The following PTCHD4 variants were observed in gnomAD, a reference collection of about 807,000 sequenced individuals.
PTCHD4 encodes patched domain-containing protein 4.
In PTCHD4, 33 loss-of-function variants were observed where a neutral mutation model predicts 58.1. The ratio of observed to expected loss-of-function variants is 0.57; its 90% CI spans 0.43 to 0.76. The LOEUF (loss-of-function observed/expected upper bound fraction) is 0.76. Among genes scored for constraint, PTCHD4 ranks in the 30% least tolerant of loss-of-function variants. PTCHD4 has a pLI of 0.00. For missense variants in PTCHD4, 1,058 were observed against 1,027.1 expected, an observed-to-expected ratio of 1.03 and a Z score of -0.41; for synonymous variants, 478 against 409.6, an observed-to-expected ratio of 1.17 and a Z score of -2.02.
intron 3 of PTCHD4, among the ~76,000 whole-genome samples, chr6:48,023,421 C>T (rs1028215819): frequency 6.6e-6 from 1 of 152,122 alleles, no homozygotes; most frequent in African/African-American, 2.4e-5. Context: ...ATAATGAAAG[C>T]AGTCATCACT....
At chr6:47,901,459 T>C in intron 4 of PTCHD4, 18 of 981,782 alleles carry the variant, frequency 1.8e-5, no homozygotes, top group Non-Finnish European at 2.2e-5. Context: ...TCCTTCATTT[T>C]ATTTATAAAT....
intron 1 of PTCHD4, among the ~76,000 whole-genome samples, chr6:48,108,469 G>T (rs1313071312): frequency 1.3e-5 from 2 of 152,016 alleles, no homozygotes; most frequent in Non-Finnish European, 2.9e-5. Flanking sequence ...GGGGGAGCGG[G>T]GAGGGATAGC....
At chr6:47,993,240 T>G (rs1472174619) in intron 4 of PTCHD4, among the ~76,000 whole-genome samples, 1 of 152,224 alleles carries the variant, frequency 6.6e-6, no homozygotes, top group Non-Finnish European at 1.5e-5. Context: ...CTATTCTTGC[T>G]TTGTAGAGAG....
At chr6:48,095,822 T>C (rs1458444955) in intron 1 of PTCHD4, among the ~76,000 whole-genome samples, 1 of 151,750 alleles carries the variant, frequency 6.6e-6, no homozygotes, top group Non-Finnish European at 1.5e-5. Flanking sequence ...AGGCAGTGCA[T>C]CAGTTGTCAG....
rs142762460 is a variant in PTCHD4, at chr6:47,926,114, C to A, written c.899-46178G>T. Among the ~76,000 whole-genome samples, 400 of 152,292 alleles carry A rather than the reference C, an allele frequency of 2.6e-3. 3 individuals carry two copies. Among genetic ancestry groups the A allele is most frequent in the South Asian group, 0.015 (70 of 4,824 alleles). On this transcript the variant is annotated intron_variant, in intron 4 of 4. Transcript: ENST00000339488. The stretch of plus-strand genomic sequence containing the variant: ...CACGTGAAGAACATCCTCACCTCAA[C>A]ATTGTAAATGCAATTGTCACAATCT...
chr6:47,868,423 T>A lies in PTCHD4; in HGVS notation c.*9880A>T, dbSNP rs1390028807. 6.6e-6 allele frequency among the ~76,000 whole-genome samples: 1 copy of A among 151,732 alleles called. No homozygotes were observed. Reference sequence around the variant, plus strand: ...GAAACAAAACAACAACAAAAGCTTCTGAATATGGGCTCTCAAAGATTGAAA... The same window carrying A: ...GAAACAAAACAACAACAAAAGCTTCAGAATATGGGCTCTCAAAGATTGAAA... On this transcript the variant is annotated 3_prime_UTR_variant, in exon 5 of 5. Transcript: ENST00000339488.
chr6:48,007,936 G>GCACGCA (rs1554167576), intron 4 of PTCHD4, among the ~76,000 whole-genome samples: 1 of 150,244 alleles, frequency 6.7e-6, no homozygotes, highest in African/African-American at 2.4e-5. Flanking sequence ...GTGCGCGCGC[G>GCACGCA]CACACACACA....
intron 4 of PTCHD4, among the ~76,000 whole-genome samples, chr6:47,950,214 A>G (rs532828702): frequency 1.2e-4 from 19 of 152,144 alleles, no homozygotes; most frequent in African/African-American, 3.4e-4. Flanking sequence ...ATAAACTTGG[A>G]TTGTTTTACT....
chr6:48,004,777 C>T (rs935334160), intron 4 of PTCHD4, among the ~76,000 whole-genome samples: 4 of 152,044 alleles, frequency 2.6e-5, no homozygotes, highest in African/African-American at 4.8e-5. Context: ...ATTAGCCAGG[C>T]GTGGTGGCAC....
At chr6:47,887,112 A>C (rs1764217760) in intron 4 of PTCHD4, among the ~76,000 whole-genome samples, 1 of 152,026 alleles carries the variant, frequency 6.6e-6, no homozygotes, top group African/African-American at 2.4e-5. Flanking sequence ...CTACATGTAG[A>C]AATTTTAAAG....
intron 3 of PTCHD4, among the ~76,000 whole-genome samples, chr6:48,039,204 A>G (rs1024511022): frequency 1.3e-5 from 2 of 152,164 alleles, no homozygotes; most frequent in African/African-American, 2.4e-5. Flanking sequence ...ATGAAATGCT[A>G]TAACATAAAA....
At chr6:48,073,479 A>G (rs1765011599) in intron 1 of PTCHD4, among the ~76,000 whole-genome samples, 1 of 152,248 alleles carries the variant, frequency 6.6e-6, no homozygotes, top group Admixed American at 6.5e-5. Flanking sequence ...AAAACTCAGT[A>G]AGTTTGCCAC....
intron 4 of PTCHD4, among the ~76,000 whole-genome samples, chr6:47,944,377 T>A (rs1335676547): frequency 6.6e-6 from 1 of 152,126 alleles, no homozygotes; most frequent in East Asian, 1.9e-4. Flanking sequence ...TGCAACCCAT[T>A]TTTGAAACAT....
At chr6:47,900,942 C>A (rs924666223) in intron 4 of PTCHD4, 1 of 151,882 alleles carries the variant, frequency 6.6e-6, no homozygotes, top group Admixed American at 6.6e-5. Flanking sequence ...ATCATGAGGT[C>A]AGGAGATCGA....
Position 47,879,233 on chromosome 6 carries a change from G to A in PTCHD4, c.1602C>T (p.Asp534=). 2 of 1,612,946 alleles carry A rather than the reference G, an allele frequency of 1.2e-6. No homozygotes were observed. The highest frequency in any genetic ancestry group is 1.3e-5 in the African/African-American group (1 of 74,974). ...TGAATCCACTACAGAGTCTTCTTAG[G>A]TCATCCTGGACGCTGCTGTTCCAGT... ...LEYWNSSVQD[D]LRRLCSGFTA... Residue 534 remains aspartate, a synonymous_variant, in exon 5 of 5, where the codon GAC becomes GAT. Coordinates refer to ENST00000339488, the MANE Select transcript of PTCHD4 (RefSeq NM_001384253.1).
At chr6:48,088,457 A>G (rs1290215922) in intron 1 of PTCHD4, among the ~76,000 whole-genome samples, 3 of 152,128 alleles carry the variant, frequency 2.0e-5, no homozygotes, top group Admixed American at 2.0e-4. Context: ...TGATAGTGTT[A>G]AAGACGACTA....
At chr6:48,014,983 C>T (rs1445648833) in intron 3 of PTCHD4, among the ~76,000 whole-genome samples, 4 of 152,116 alleles carry the variant, frequency 2.6e-5, no homozygotes, top group Non-Finnish European at 5.9e-5. Context: ...TTTCCAATGT[C>T]GTCCTCTCCA....
intron 4 of PTCHD4, among the ~76,000 whole-genome samples, chr6:47,978,200 C>A (rs1249501797): frequency 1.3e-5 from 2 of 151,958 alleles, no homozygotes; most frequent in Non-Finnish European, 2.9e-5. Context: ...TTTGTAGAGT[C>A]TCCTTCTTAC....
chr6:47,991,026 G>T (rs1370042518), intron 4 of PTCHD4, among the ~76,000 whole-genome samples: 1 of 151,982 alleles, frequency 6.6e-6, no homozygotes, highest in African/African-American at 2.4e-5. Flanking sequence ...AAGTATAAAA[G>T]ACATGAGAAA....
Sources: gnomAD v4.1 joint callset for allele counts (sites outside exome capture counted in the v4.1 genomes callset) on GRCh38, gnomAD v4.1.1 for gene constraint, MANE v1.5 for transcripts, NCBI Gene and HGNC (gene_info 2026-07-23, HGNC 2026-07-21) for gene names.